The following ST6GALNAC3 variants were observed in gnomAD, a reference collection of about 807,000 sequenced individuals.
ST6GALNAC3 encodes the protein alpha-N-acetylgalactosaminide alpha-2,6-sialyltransferase 3.
ST6GALNAC3 carries 25 observed loss-of-function variants against 32.7 expected under a neutral mutation model. That is an observed-to-expected ratio of 0.76 (90% CI 0.56 to 1.07). The LOEUF (loss-of-function observed/expected upper bound fraction) is 1.07. Ranked by LOEUF, ST6GALNAC3 falls within the 50% of genes least tolerant of loss-of-function variation. The probability of loss-of-function intolerance (pLI) is 0.00; values close to 1 mark genes in which losing one functional copy is unlikely to be tolerated. For missense variants in ST6GALNAC3, 355 were observed against 382.4 expected (o/e 0.93, Z 0.60); for synonymous variants, 129 against 133.1 (o/e 0.97, Z 0.21).
intron 1 of ST6GALNAC3, among the ~76,000 whole-genome samples, chr1:76,220,901 C>T (rs868707049): frequency 1.4e-4 from 22 of 152,272 alleles, no homozygotes; most frequent in African/African-American, 4.8e-4. Flanking sequence ...GAAAACCATC[C>T]CAGTCTTGAC....
intron 1 of ST6GALNAC3, among the ~76,000 whole-genome samples, chr1:76,141,612 A>G (rs1650327256): frequency 6.6e-6 from 1 of 152,232 alleles, no homozygotes; most frequent in Non-Finnish European, 1.5e-5. Flanking sequence ...CAAAAAAAGC[A>G]TGTACAGATG....
chr1:76,548,681 AC>A (rs1365811012), intron 3 of ST6GALNAC3, among the ~76,000 whole-genome samples: 3 of 152,074 alleles, frequency 2.0e-5, no homozygotes, highest in Non-Finnish European at 4.4e-5. Context: ...TAGCTTTCCA[AC>A]CTCTATAGTA....
intron 1 of ST6GALNAC3, among the ~76,000 whole-genome samples, chr1:76,190,864 G>C (rs66489023): frequency 6.6e-6 from 1 of 152,070 alleles, no homozygotes; most frequent in African/African-American, 2.4e-5. Context: ...TTTAAAAATT[G>C]GTATTGGTTC....
intron 3 of ST6GALNAC3, among the ~76,000 whole-genome samples, chr1:76,523,340 G>A (rs896016479): frequency 6.6e-6 from 1 of 151,896 alleles, no homozygotes; most frequent in Non-Finnish European, 1.5e-5. Context: ...ATTTGTTTCT[G>A]TTGCCTATTT....
intron 3 of ST6GALNAC3, among the ~76,000 whole-genome samples, chr1:76,625,482 G>GA (rs745817829): frequency 3.4e-4 from 50 of 148,798 alleles, no homozygotes; most frequent in Non-Finnish European, 7.0e-4. Context: ...AGAAAGAAGA[G>GA]AAAAAAAAAG....
chr1:76,495,180 C>T (rs1660776432), intron 3 of ST6GALNAC3, among the ~76,000 whole-genome samples: 1 of 152,110 alleles, frequency 6.6e-6, no homozygotes, highest in African/African-American at 2.4e-5. Context: ...CCTGGGTACT[C>T]CATGAGCCAG....
chr1:76,631,923 T>C lies in ST6GALNAC3; in HGVS notation c.*3117T>C, dbSNP rs571219187. ...AGTGAGAAGTAGCAATGATTTACAT[T>C]GTTATGATGATAATGTGAATAAGAA... is the stretch of plus-strand genomic sequence containing the variant. On this transcript the variant is annotated 3_prime_UTR_variant, in exon 5 of 5. Transcript: ENST00000328299. 5.2e-4 allele frequency: 79 copies of C among 152,244 alleles called. No homozygotes were observed. The highest frequency in any genetic ancestry group is 1.8e-3 in the African/African-American group (75 of 41,552). 9.4% of individuals were successfully genotyped at this position (152,244 alleles called of 1,614,324 possible). A position where few individuals can be genotyped will look rare whatever the true frequency, so the allele number is the denominator to read the frequency against.
intron 3 of ST6GALNAC3, among the ~76,000 whole-genome samples, chr1:76,566,716 C>G (rs1487447016): frequency 6.6e-6 from 1 of 152,116 alleles, no homozygotes; most frequent in East Asian, 1.9e-4. Context: ...TCTCTCTTGC[C>G]CGGTTTAATT....
intron 3 of ST6GALNAC3, among the ~76,000 whole-genome samples, chr1:76,434,117 T>G (rs896295127): frequency 5.3e-5 from 8 of 152,170 alleles, no homozygotes; most frequent in African/African-American, 1.9e-4. Context: ...GGCAGGGCAC[T>G]GAATAAAATG....
At chr1:76,137,634 T>A (rs929327845) in intron 1 of ST6GALNAC3, among the ~76,000 whole-genome samples, 8 of 152,230 alleles carry the variant, frequency 5.3e-5, no homozygotes, top group Non-Finnish European at 1.0e-4. Context: ...TTCTTCAGTC[T>A]ATGAGTAAAA....
At chr1:76,520,772 T>A (rs187469005) in intron 3 of ST6GALNAC3, among the ~76,000 whole-genome samples, 1 of 152,204 alleles carries the variant, frequency 6.6e-6, no homozygotes, top group East Asian at 1.9e-4. Context: ...GCTTTCTGTT[T>A]GACTAATATC....
intron 1 of ST6GALNAC3, among the ~76,000 whole-genome samples, chr1:76,135,734 C>A (rs1172716504): frequency 2.6e-5 from 4 of 152,322 alleles, no homozygotes; most frequent in Admixed American, 2.6e-4. Flanking sequence ...TCCTTTCAGG[C>A]AACTTCTTCA....
intron 1 of ST6GALNAC3, among the ~76,000 whole-genome samples, chr1:76,264,960 G>T (rs1327232313): frequency 6.6e-6 from 1 of 150,470 alleles, no homozygotes; most frequent in Non-Finnish European, 1.5e-5. Context: ...TAAGACAGTG[G>T]TACTTTTAAG....
At chr1:76,131,496 C>A (rs934880903) in intron 1 of ST6GALNAC3, among the ~76,000 whole-genome samples, 2 of 152,168 alleles carry the variant, frequency 1.3e-5, no homozygotes, top group Non-Finnish European at 2.9e-5. Flanking sequence ...AAGGCATTGG[C>A]CAAGTCCGTG....
intron 3 of ST6GALNAC3, among the ~76,000 whole-genome samples, chr1:76,575,936 C>G (rs1646798132): frequency 6.6e-6 from 1 of 151,840 alleles, no homozygotes; most frequent in Non-Finnish European, 1.5e-5. Context: ...AGAGGCTAGC[C>G]AAGATTCTGA....
chr1:76,421,900 GT>G (rs1307670753), intron 3 of ST6GALNAC3, among the ~76,000 whole-genome samples: 1 of 151,984 alleles, frequency 6.6e-6, no homozygotes, highest in African/African-American at 2.4e-5. Context: ...CGTGTTTACA[GT>G]GACTTCCAAT....
chr1:76,311,820 G>A (rs1445054931), intron 1 of ST6GALNAC3, among the ~76,000 whole-genome samples: 1 of 152,060 alleles, frequency 6.6e-6, no homozygotes, highest in Non-Finnish European at 1.5e-5. Context: ...TAGGTCAAAT[G>A]GTATTTCTGG....
chr1:76,467,725 A>G (rs934958323), intron 3 of ST6GALNAC3, among the ~76,000 whole-genome samples: 5 of 151,966 alleles, frequency 3.3e-5, no homozygotes, highest in African/African-American at 4.8e-5. Context: ...TTTTTCTCCT[A>G]TACTGTGCAT....
intron 1 of ST6GALNAC3, among the ~76,000 whole-genome samples, chr1:76,149,291 T>C (rs1025652061): frequency 2.0e-5 from 3 of 152,208 alleles, no homozygotes; most frequent in African/African-American, 7.2e-5. Context: ...GAATTGCTCA[T>C]GGTTGGTCTG....
Sources: gnomAD v4.1 joint callset for allele counts (sites outside exome capture counted in the v4.1 genomes callset) on GRCh38, gnomAD v4.1.1 for gene constraint, MANE v1.5 for transcripts, NCBI Gene and HGNC (gene_info 2026-07-23, HGNC 2026-07-21) for gene names.